SPPL3: variants seen among roughly 807,000 people sequenced by gnomAD.
SPPL3 encodes signal peptide peptidase like 3, also known as signal peptide peptidase-like 3.
A neutral mutation model predicts 42.4 loss-of-function variants in SPPL3; 5 were observed. The ratio of observed to expected loss-of-function variants is 0.12; its 90% CI spans 0.06 to 0.25. The LOEUF (loss-of-function observed/expected upper bound fraction) is 0.25. SPPL3 is among the 10% of genes least tolerant of loss of function. SPPL3 has a pLI of 1.00. For synonymous variants in SPPL3, 195 were observed against 181.8 expected (o/e 1.07, Z -0.58); for missense variants, 235 against 489.0 (o/e 0.48, Z 4.90).
At chr12:120,793,669 T>A (rs1869999534) in intron 2 of SPPL3, among the ~76,000 whole-genome samples, 1 of 152,256 alleles carries the variant, frequency 6.6e-6, no homozygotes, top group African/African-American at 2.4e-5. Context: ...GTTGACACCC[T>A]GACCTGAGAA....
At chr12:120,825,782 G>C (rs1270134940) in intron 1 of SPPL3, among the ~76,000 whole-genome samples, 2 of 152,172 alleles carry the variant, frequency 1.3e-5, no homozygotes, top group Admixed American at 6.5e-5. Context: ...GAAATATTCA[G>C]TGTAGATAAA....
In SPPL3 at chr12:120,902,191, C is replaced by T. The variant is rs541024908; in HGVS notation, c.23+1654G>A. On this transcript the variant is annotated intron_variant, in intron 1 of 10. Coordinates refer to ENST00000353487, the MANE Select transcript of SPPL3 (RefSeq NM_139015.5). ...TTAGCTTAAACCTCTTTTTAGAGCA[C>T]GTGTTCACCAAGATTTTAATTCTTC... Among the ~76,000 whole-genome samples the T allele has an allele frequency of 1.6e-4, 24 of 152,316 alleles. 1 individual carries two copies. The highest frequency in any genetic ancestry group is 1.4e-3 in the Admixed American group (21 of 15,294).
intron 1 of SPPL3, among the ~76,000 whole-genome samples, chr12:120,847,403 C>T (rs959244755): frequency 4.6e-5 from 7 of 152,050 alleles, no homozygotes; most frequent in African/African-American, 1.4e-4. Context: ...AGCAATTCTC[C>T]AGCCTCAGCC....
chr12:120,830,607 A>AGAGAGAGAGAGAGAC (rs1555251066), intron 1 of SPPL3, among the ~76,000 whole-genome samples: 1 of 39,970 alleles, frequency 2.5e-5, no homozygotes, highest in East Asian at 1.3e-3. Flanking sequence ...GAGAGAGAGA[A>AGAGAGAGAGAGAGAC]GGTGTACATG....
At chr12:120,849,412 C>T (rs534080303) in intron 1 of SPPL3, among the ~76,000 whole-genome samples, 29 of 152,134 alleles carry the variant, frequency 1.9e-4, no homozygotes, top group Admixed American at 3.9e-4. Context: ...TAAGTAGATA[C>T]GAATAGATTA....
intron 2 of SPPL3, among the ~76,000 whole-genome samples, chr12:120,809,951 C>T (rs756991767): frequency 6.6e-5 from 10 of 151,536 alleles, no homozygotes; most frequent in African/African-American, 2.2e-4. Context: ...TACTTACTTA[C>T]AAGCATTTTA....
chr12:120,782,107 T>G (rs1869565870), intron 6 of SPPL3, among the ~76,000 whole-genome samples: 1 of 151,768 alleles, frequency 6.6e-6, no homozygotes, highest in South Asian at 2.1e-4. Context: ...TGGTCTCAAG[T>G]GATCCTCCTG....
intron 1 of SPPL3, chr12:120,901,997 C>T: frequency 1.1e-6 from 1 of 901,630 alleles, no homozygotes; most frequent in African/African-American, 1.8e-5. Flanking sequence ...ACTCTCAGGG[C>T]CACAGCCATT....
At chr12:120,823,535 A>C (rs1380738725) in intron 1 of SPPL3, among the ~76,000 whole-genome samples, 1 of 151,966 alleles carries the variant, frequency 6.6e-6, no homozygotes, top group African/African-American at 2.4e-5. Flanking sequence ...ACGACATCCT[A>C]CTGGATTTCT....
intron 1 of SPPL3, among the ~76,000 whole-genome samples, chr12:120,841,781 C>T (rs1034683785): frequency 2.0e-5 from 3 of 152,296 alleles, no homozygotes; most frequent in African/African-American, 7.2e-5. Flanking sequence ...AGGTCAAACA[C>T]AGAGTGGTAA....
chr12:120,798,952 C>T (rs1281598108), intron 2 of SPPL3, among the ~76,000 whole-genome samples: 1 of 152,224 alleles, frequency 6.6e-6, no homozygotes, highest in East Asian at 1.9e-4. Flanking sequence ...GAGAACCCCC[C>T]GCGGGACAGG....
In SPPL3 at chr12:120,889,947, G is replaced by GA. The variant is rs559170628; in HGVS notation, c.23+13897dup. ...ATCCCATATTCTTCCACCTTACTTT[G>GA]AAAAAAAAAATAATTTTGCTGGGGG... On this transcript the variant is annotated intron_variant, in intron 1 of 10. Coordinates refer to ENST00000353487, the MANE Select transcript of SPPL3 (RefSeq NM_139015.5). Among the ~76,000 whole-genome samples the GA allele has an allele frequency of 2.9e-4, 44 of 150,270 alleles. No homozygotes were observed. The East Asian group carries it at 4.1e-3, about 14-fold the overall frequency.
intron 3 of SPPL3, among the ~76,000 whole-genome samples, chr12:120,787,569 C>A (rs1869764492): frequency 1.3e-5 from 2 of 152,028 alleles, no homozygotes. Flanking sequence ...CAGAAAAGCA[C>A]AAAAATGAAT....
intron 9 of SPPL3, 96 bp from the exon 10 acceptor site, chr12:120,766,468 G>C (rs1305912362): frequency 4.3e-6 from 4 of 934,420 alleles, no homozygotes; most frequent in Non-Finnish European, 6.2e-6. Context: ...GATCTAATGT[G>C]CTGTCGTCCA....
chr12:120,786,812 A>G (rs1025874415), intron 3 of SPPL3, among the ~76,000 whole-genome samples: 2 of 152,216 alleles, frequency 1.3e-5, no homozygotes, highest in East Asian at 3.8e-4. Context: ...TGGGAAAGAA[A>G]GAGGTAATTA....
At chr12:120,783,826 G>T in intron 4 of SPPL3, 74 bp from the exon 5 acceptor site, 1 of 1,245,880 alleles carries the variant, frequency 8.0e-7, no homozygotes, top group Non-Finnish European at 1.2e-6. Context: ...ACTTCATTCC[G>T]CCAAACACTA....
At chr12:120,845,289 C>T (rs1871984149) in intron 1 of SPPL3, 1 of 355,276 alleles carries the variant, frequency 2.8e-6, no homozygotes, top group Non-Finnish European at 5.7e-6. Context: ...TGGCAAACCC[C>T]AGGAGGACAG....
intron 1 of SPPL3, among the ~76,000 whole-genome samples, chr12:120,817,186 T>C (rs112243234): frequency 8.6e-5 from 13 of 151,694 alleles, no homozygotes; most frequent in Admixed American, 2.0e-4. Context: ...TTCCAGCTAC[T>C]TGGGAGGCTG....
chr12:120,864,272 T>C (rs928364728), intron 1 of SPPL3, among the ~76,000 whole-genome samples: 2 of 152,204 alleles, frequency 1.3e-5, no homozygotes, highest in African/African-American at 2.4e-5. Flanking sequence ...CAGTGGCTCA[T>C]GCCTGTGATC....
Sources: allele counts gnomAD v4.1 joint callset (sites outside exome capture counted in the v4.1 genomes callset), GRCh38; gene constraint gnomAD v4.1.1; transcripts MANE v1.5; gene names NCBI Gene and HGNC (gene_info 2026-07-23, HGNC 2026-07-21).